RAB6A: variants seen among roughly 807,000 people sequenced by gnomAD.
RAB6A encodes RAB6A, member RAS oncogene family, also known as ras-related protein Rab-6A.
A neutral mutation model predicts 32.3 loss-of-function variants in RAB6A; 8 were observed. The observed-to-expected ratio is 0.25, with a 90% CI of 0.15 to 0.45. RAB6A has a LOEUF of 0.45. RAB6A is among the 20% of genes least tolerant of loss of function. RAB6A has a pLI of 1.00. For missense variants in RAB6A, 104 were observed against 249.4 expected, an observed-to-expected ratio of 0.42 and a Z score of 3.93; for synonymous variants, 73 against 82.1, an observed-to-expected ratio of 0.89 and a Z score of 0.60.
intron 2 of RAB6A, among the ~76,000 whole-genome samples, chr11:73,725,434 AT>A (rs1946201736): frequency 6.6e-6 from 1 of 152,240 alleles, no homozygotes. Flanking sequence ...GGCGCTGCCG[AT>A]AAAGACATGC....
chr11:73,745,992 C>G (rs149655762), intron 1 of RAB6A, among the ~76,000 whole-genome samples: 22,802 of 150,322 alleles, frequency 0.15, 1,827 homozygotes, highest in African/African-American at 0.19. Context: ...AGTGAGACTC[C>G]ATCTCAAAAA....
chr11:73,709,437 A>ATATTATGATTAT (rs1945904267), intron 5 of RAB6A, among the ~76,000 whole-genome samples: 1 of 137,134 alleles, frequency 7.3e-6, no homozygotes, highest in Admixed American at 7.6e-5. Flanking sequence ...CTCCTTAAGT[A>ATATTATGATTAT]TATTATTATT....
intron 6 of RAB6A, among the ~76,000 whole-genome samples, chr11:73,684,988 A>G (rs576569989): frequency 6.6e-6 from 1 of 152,370 alleles, no homozygotes; most frequent in African/African-American, 2.4e-5. Flanking sequence ...CCATTGTCTT[A>G]ATATGGCTAA....
chr11:73,689,399 G>C (rs530248148), intron 6 of RAB6A, among the ~76,000 whole-genome samples: 1 of 152,264 alleles, frequency 6.6e-6, no homozygotes, highest in Non-Finnish European at 1.5e-5. Flanking sequence ...GATCTGACAG[G>C]AGGCAGAGCT....
At chr11:73,734,881 G>A (rs921629619) in intron 1 of RAB6A, among the ~76,000 whole-genome samples, 3 of 152,130 alleles carry the variant, frequency 2.0e-5, no homozygotes, top group African/African-American at 7.2e-5. Flanking sequence ...AAAATGCTCA[G>A]AACCATAAAT....
At chr11:73,682,525 T>A (rs575460969) in intron 6 of RAB6A, among the ~76,000 whole-genome samples, 1 of 152,240 alleles carries the variant, frequency 6.6e-6, no homozygotes, top group African/African-American at 2.4e-5. Flanking sequence ...TAGCTGGGCA[T>A]GATGGCACAT....
chr11:73,731,731 T>TATAC (rs1346850332), intron 1 of RAB6A, among the ~76,000 whole-genome samples: 22 of 16,936 alleles, frequency 1.3e-3, no homozygotes, highest in African/African-American at 2.7e-3. Context: ...TATATATATA[T>TATAC]ACACACACAC....
At chr11:73,693,107 G>A (rs943670250) in intron 6 of RAB6A, among the ~76,000 whole-genome samples, 15 of 151,800 alleles carry the variant, frequency 9.9e-5, no homozygotes, top group African/African-American at 3.6e-4. Flanking sequence ...AGCCAACATG[G>A]TGAAACTCCG....
At chr11:73,692,338 T>C (rs1565348730) in intron 6 of RAB6A, among the ~76,000 whole-genome samples, 1 of 148,808 alleles carries the variant, frequency 6.7e-6, no homozygotes, top group Admixed American at 6.7e-5. Flanking sequence ...CCGTCTCTAC[T>C]AAAAAATACA....
At chr11:73,754,095 G>T (rs1211344493) in intron 1 of RAB6A, among the ~76,000 whole-genome samples, 1 of 152,166 alleles carries the variant, frequency 6.6e-6, no homozygotes, top group Non-Finnish European at 1.5e-5. Flanking sequence ...GAAAAATGGG[G>T]CATAAAGACA....
intron 6 of RAB6A, among the ~76,000 whole-genome samples, chr11:73,696,458 G>A (rs1335712538): frequency 6.6e-6 from 1 of 151,988 alleles, no homozygotes; most frequent in Non-Finnish European, 1.5e-5. Context: ...CCTCCCCAAG[G>A]TGTAGGGATT....
At chr11:73,734,966 T>C (rs1323889146) in intron 1 of RAB6A, among the ~76,000 whole-genome samples, 2 of 152,224 alleles carry the variant, frequency 1.3e-5, no homozygotes, top group South Asian at 4.1e-4. Flanking sequence ...AATGCTCCAA[T>C]GAGCATTTCC....
intron 6 of RAB6A, among the ~76,000 whole-genome samples, chr11:73,687,317 C>G (rs1377431274): frequency 6.6e-6 from 1 of 152,070 alleles, no homozygotes; most frequent in African/African-American, 2.4e-5. Context: ...GATTTTTGCA[C>G]TATAGTGTGA....
chr11:73,734,009 G>A (rs1375833831), intron 1 of RAB6A, among the ~76,000 whole-genome samples: 1 of 152,140 alleles, frequency 6.6e-6, no homozygotes, highest in Non-Finnish European at 1.5e-5. Flanking sequence ...AATAAAAAGT[G>A]TATATATGTA....
chr11:73,686,496 G>A (rs961623974), intron 6 of RAB6A, among the ~76,000 whole-genome samples: 1 of 152,100 alleles, frequency 6.6e-6, no homozygotes, highest in African/African-American at 2.4e-5. Context: ...GGGGGTTGCA[G>A]TGACCCAGAG....
In RAB6A at chr11:73,725,919, G is replaced by A. The variant is rs746982766; in HGVS notation, c.129+4846C>T. On this transcript the variant is annotated intron_variant, in intron 2 of 7. Coordinates refer to ENST00000336083, the MANE Select transcript of RAB6A (RefSeq NM_198896.2). ...AATAATCCCAGCACTTTAGGAGGCC[G>A]AGGCAGCCGGATTGCTTGAGCTCAG... Among the ~76,000 whole-genome samples, 11 of 152,282 alleles carry A rather than the reference G, an allele frequency of 7.2e-5. No individual in the cohort carries two copies. The South Asian group carries it at 1.0e-3, about 14-fold the overall frequency.
At chr11:73,700,801 GACA>G (rs1209279253) in intron 6 of RAB6A, among the ~76,000 whole-genome samples, 5 of 152,082 alleles carry the variant, frequency 3.3e-5, no homozygotes, top group Admixed American at 2.0e-4. Flanking sequence ...TTTTTTAAAT[GACA>G]ACAATCTTCT....
At position 73,714,387 on chromosome 11, in the gene RAB6A, C is replaced by T. The variant is rs972751800; in HGVS notation, c.401+1864G>A. Among the ~76,000 whole-genome samples, 5 of 151,690 alleles carry T rather than the reference C, an allele frequency of 3.3e-5. No homozygotes were observed. In the East Asian group the frequency reaches 5.8e-4, roughly 18 times the overall value. On this transcript the variant is annotated intron_variant, in intron 5 of 7. Coordinates refer to ENST00000336083, the MANE Select transcript of RAB6A (RefSeq NM_198896.2). Reference sequence around the variant, plus strand: ...TCTATTTAAAAATGAAGAGGCCGGGCGCGGTGACTCACGCCTGTAATCCCA... The same window carrying T: ...TCTATTTAAAAATGAAGAGGCCGGGTGCGGTGACTCACGCCTGTAATCCCA...
intron 2 of RAB6A, among the ~76,000 whole-genome samples, chr11:73,725,072 T>C (rs1946195935): frequency 6.6e-6 from 1 of 152,200 alleles, no homozygotes; most frequent in South Asian, 2.1e-4. Flanking sequence ...TACTGCAGTA[T>C]ACTGGAATGA....
Sources: gnomAD v4.1 joint callset for allele counts (sites outside exome capture counted in the v4.1 genomes callset) on GRCh38, gnomAD v4.1.1 for gene constraint, MANE v1.5 for transcripts, NCBI Gene and HGNC (gene_info 2026-07-23, HGNC 2026-07-21) for gene names.